SH2D4B: variants seen among roughly 807,000 people sequenced by gnomAD.
The protein encoded by SH2D4B is SH2 domain containing 4B, also known as SH2 domain-containing protein 4B.
A neutral mutation model predicts 61.5 loss-of-function variants in SH2D4B; 45 were observed. That is an observed-to-expected ratio of 0.73 (90% CI 0.58 to 0.94). SH2D4B has a LOEUF of 0.94. Ranked by LOEUF, SH2D4B falls within the 40% of genes least tolerant of loss-of-function variation. The pLI is 0.00. For missense variants in SH2D4B, 572 were observed against 574.2 expected, an observed-to-expected ratio of 1.00 and a Z score of 0.04; for synonymous variants, 224 against 220.4, an observed-to-expected ratio of 1.02 and a Z score of -0.14.
intron 3 of SH2D4B, among the ~76,000 whole-genome samples, chr10:80,575,597 T>C (rs200329444): frequency 1.3e-5 from 2 of 151,966 alleles, no homozygotes; most frequent in East Asian, 1.9e-4. Flanking sequence ...TACTAAAACA[T>C]GGTGAAACTA....
At position 80,644,982 on chromosome 10, in the gene SH2D4B, C is replaced by T. The variant is rs899534129; in HGVS notation, c.*897C>T. 6 of 152,180 alleles carry T rather than the reference C, an allele frequency of 3.9e-5. No individual in the cohort carries two copies. Among genetic ancestry groups the T allele is most frequent in the Admixed American group, 2.0e-4 (3 of 15,280 alleles). 9.4% of individuals were successfully genotyped at this position (152,180 alleles called of 1,614,324 possible). ...TTGCTTATATTAACAAGAAGACTCA[C>T]GCAATAACTCCTCGATAACTCTCAG... On this transcript the variant is annotated 3_prime_UTR_variant, in exon 8 of 8. Transcript: ENST00000646907.
Position 80,557,345 on chromosome 10 carries a change from T to G in SH2D4B, c.185-12809T>G, listed in dbSNP as rs569895910. 2.8e-4 allele frequency among the ~76,000 whole-genome samples: 43 copies of G among 152,270 alleles called. 1 individual carries two copies. In the South Asian group the frequency reaches 7.9e-3, roughly 28 times the overall value. On this transcript the variant is annotated intron_variant, in intron 1 of 7. Transcript: ENST00000646907. Reference sequence around the variant, plus strand: ...GATAGATATTGTTCTGTACTTTTCTTGAAATGTGTTTAGTTTAATATCAGG... The same window carrying G: ...GATAGATATTGTTCTGTACTTTTCTGGAAATGTGTTTAGTTTAATATCAGG...
At chr10:80,626,574 G>T (rs1001984943) in intron 6 of SH2D4B, among the ~76,000 whole-genome samples, 6 of 152,126 alleles carry the variant, frequency 3.9e-5, no homozygotes, top group African/African-American at 1.4e-4. Flanking sequence ...CTGAGATTTA[G>T]ATTAAGCTTC....
intron 6 of SH2D4B, among the ~76,000 whole-genome samples, chr10:80,620,769 A>C (rs985937391): frequency 2.0e-5 from 3 of 152,256 alleles, no homozygotes; most frequent in African/African-American, 7.2e-5. Flanking sequence ...CAAGGATTGA[A>C]TGAGCTAGGG....
Position 80,645,297 on chromosome 10 carries a change from C to T in SH2D4B, c.*1212C>T, listed in dbSNP as rs1032892794. 2.0e-5 allele frequency: 3 copies of T among 152,380 alleles called. No individual in the cohort carries two copies. The highest frequency in any genetic ancestry group is 4.4e-5 in the Non-Finnish European group (3 of 68,074). The allele number at this position is 152,380 out of a possible 1,614,324, so 9.4% of individuals were successfully genotyped here. The stretch of plus-strand genomic sequence containing the variant: ...CACCTATTCCTTAGATTCTTGGTCA[C>T]TTCTCTACCACAAGCCACCAGCACT... On this transcript the variant is annotated 3_prime_UTR_variant, in exon 8 of 8. Transcript: ENST00000646907.
intron 3 of SH2D4B, among the ~76,000 whole-genome samples, chr10:80,579,480 A>G (rs1842165037): frequency 6.6e-6 from 1 of 152,104 alleles, no homozygotes; most frequent in Non-Finnish European, 1.5e-5. Flanking sequence ...TTGCTTCTGG[A>G]CATTTCTCCT....
At chr10:80,560,626 G>A (rs1260158866) in intron 1 of SH2D4B, among the ~76,000 whole-genome samples, 1 of 146,762 alleles carries the variant, frequency 6.8e-6, no homozygotes, top group South Asian at 2.2e-4. Flanking sequence ...CTGGCTTTGA[G>A]CAATTCTCCT....
chr10:80,562,880 G>A (rs1430135923), intron 1 of SH2D4B, among the ~76,000 whole-genome samples: 1 of 147,104 alleles, frequency 6.8e-6, no homozygotes, highest in Non-Finnish European at 1.5e-5. Flanking sequence ...GACCTATGAT[G>A]CTGAACATTT....
intron 4 of SH2D4B, among the ~76,000 whole-genome samples, chr10:80,602,632 AG>A (rs1842463667): frequency 6.6e-6 from 1 of 152,148 alleles, no homozygotes. Context: ...AAACCAAGAA[AG>A]GGTTCCAGAA....
rs142170894 is a variant in SH2D4B at position 80,571,285 on chromosome 10, G to A, written c.348-146G>A. On this transcript the variant is annotated intron_variant, in intron 2 of 7. Transcript: ENST00000646907. ...TGTGCCGATTTACACTCCCATGCGT[G>A]AGAATGCCTATTTCTCCCTGTCTTT... is the stretch of plus-strand genomic sequence containing the variant. The A allele has an allele frequency of 5.9e-6, 5 of 846,202 alleles. No homozygotes were observed. The African/African-American group carries it at 8.6e-5, about 15-fold the overall frequency. The allele number at this position is 846,202 out of a possible 1,614,324, so 52.4% of individuals were successfully genotyped here. A position where few individuals can be genotyped will look rare whatever the true frequency, so the allele number is the denominator to read the frequency against.
chr10:80,611,382 C>T (rs1038592514), intron 6 of SH2D4B, among the ~76,000 whole-genome samples: 2 of 152,042 alleles, frequency 1.3e-5, no homozygotes, highest in Non-Finnish European at 2.9e-5. Context: ...TTATGACCAC[C>T]GTCCACTTTC....
chr10:80,643,920 ACT>A (rs931240734), intron 7 of SH2D4B, 71 bp from the exon 8 acceptor site: 1,697 of 1,119,570 alleles, frequency 1.5e-3, no homozygotes, highest in South Asian at 2.0e-3. Context: ...GTCTTGAACC[ACT>A]CTCTCTCTCT....
chr10:80,561,855 T>C (rs1284523508), intron 1 of SH2D4B, among the ~76,000 whole-genome samples: 1 of 152,158 alleles, frequency 6.6e-6, no homozygotes, highest in African/African-American at 2.4e-5. Context: ...TTTTCTTTTT[T>C]CCCAACTACA....
intron 1 of SH2D4B, among the ~76,000 whole-genome samples, chr10:80,546,513 A>T (rs1347177190): frequency 1.3e-5 from 2 of 148,316 alleles, no homozygotes; most frequent in African/African-American, 2.6e-5. Flanking sequence ...ATGTATATTA[A>T]ATAGCATACG....
chr10:80,646,558 T>A lies in SH2D4B; in HGVS notation c.*2473T>A. ...ATGCTAATAAATGTCAGGATTCTCA[T>A]ATAAAGGAGTTGCCTTTTTTTTCCC... On this transcript the variant is annotated 3_prime_UTR_variant, in exon 8 of 8. Coordinates refer to ENST00000646907, the MANE Select transcript of SH2D4B (RefSeq NM_001388272.1). 1 of 152,094 alleles carries A rather than the reference T, an allele frequency of 6.6e-6. No homozygotes were observed. The highest frequency in any genetic ancestry group is 1.9e-4 in the East Asian group (1 of 5,204). The allele number at this position is 152,094 out of a possible 1,614,324, so 9.4% of individuals were successfully genotyped here.
intron 5 of SH2D4B, among the ~76,000 whole-genome samples, chr10:80,607,963 C>G (rs184925922): frequency 6.6e-6 from 1 of 152,310 alleles, no homozygotes; most frequent in East Asian, 1.9e-4. Flanking sequence ...GTGGCACGAT[C>G]TCAGCTCACT....
chr10:80,634,303 A>T lies in SH2D4B; in HGVS notation c.1007A>T (p.Asp336Val). The change falls in exon 7 of 8, where the codon GAT becomes GTT. Residue 336 changes from aspartate to valine, a missense_variant. Asp to Val is a radical substitution (Grantham distance 152). Coordinates refer to ENST00000646907, the MANE Select transcript of SH2D4B (RefSeq NM_001388272.1). The part of the protein sequence containing the change: ...PWFHGIISRE[D>V]AEALLENMTE... ...AAATCAGGAATTATTAGCCGAGAAGATGCAGAAGCTCTCCTGGAGAACATG... is the reference window on the plus strand; with the variant it reads ...AAATCAGGAATTATTAGCCGAGAAGTTGCAGAAGCTCTCCTGGAGAACATG... 6.6e-7 allele frequency: 1 copy of T among 1,511,766 alleles called. No individual in the cohort carries two copies. Among genetic ancestry groups the T allele is most frequent in the Non-Finnish European group, 8.9e-7 (1 of 1,126,714 alleles). The allele number at this position is 1,511,766 out of a possible 1,614,324, so 93.6% of individuals were successfully genotyped here. A position where few individuals can be genotyped will look rare whatever the true frequency, so the allele number is the denominator to read the frequency against.
intron 1 of SH2D4B, among the ~76,000 whole-genome samples, chr10:80,547,846 T>C (rs558508959): frequency 1.8e-3 from 267 of 151,928 alleles, no homozygotes; most frequent in Non-Finnish European, 2.7e-3. Context: ...GCCATGAGAG[T>C]TGGAAAGTTG....
At chr10:80,576,265 C>G (rs1400948134) in intron 3 of SH2D4B, among the ~76,000 whole-genome samples, 1 of 152,232 alleles carries the variant, frequency 6.6e-6, no homozygotes, top group East Asian at 1.9e-4. Flanking sequence ...CTCATGTTCA[C>G]TGAGGGTCTC....
Sources: gnomAD v4.1 joint callset for allele counts (sites outside exome capture counted in the v4.1 genomes callset) on GRCh38, gnomAD v4.1.1 for gene constraint, MANE v1.5 for transcripts, NCBI Gene and HGNC (gene_info 2026-07-23, HGNC 2026-07-21) for gene names.